Variants in TPCN1 observed in about 807,000 individuals in gnomAD.
TPCN1 encodes two pore channel protein 1.
A neutral mutation model predicts 108.8 loss-of-function variants in TPCN1; 52 were observed. The observed-to-expected ratio is 0.48, with a 90% CI of 0.38 to 0.60. The LOEUF (loss-of-function observed/expected upper bound fraction) is 0.60, where lower values mean the gene tolerates loss of function less well. TPCN1 is among the 20% of genes least tolerant of loss of function. The pLI is 0.00. For synonymous variants in TPCN1, 446 were observed against 433.7 expected (o/e 1.03, Z -0.35); for missense variants, 806 against 1,072.8 (o/e 0.75, Z 3.47).
intron 14 of TPCN1, among the ~76,000 whole-genome samples, chr12:113,279,382 TATATA>T (rs1417623710): frequency 1.7e-3 from 61 of 36,526 alleles, no homozygotes; most frequent in Non-Finnish European, 2.1e-3. Context: ...TATATATATA[TATATA>T]TATATTTTTT....
At chr12:113,222,558 A>G (rs138515444) in intron 1 of TPCN1, among the ~76,000 whole-genome samples, 1 of 152,212 alleles carries the variant, frequency 6.6e-6, no homozygotes, top group East Asian at 1.9e-4. Flanking sequence ...CATGGGGGCA[A>G]AAATCACCCC....
intron 14 of TPCN1, among the ~76,000 whole-genome samples, 194 bp downstream of exon 14, chr12:113,279,029 A>G (rs1419230352): frequency 6.6e-6 from 1 of 151,868 alleles, no homozygotes. Context: ...TGGGAGAGAA[A>G]TGGGTAACTT....
At chr12:113,293,403 G>C in intron 27 of TPCN1, 54 bp downstream of exon 27, 1 of 1,554,764 alleles carries the variant, frequency 6.4e-7, no homozygotes, top group South Asian at 1.1e-5. Flanking sequence ...TGTCCTGGGA[G>C]GGGCAGGGAG....
rs141088999 is a variant in TPCN1 at position 113,268,399 on chromosome 12, C to T, written c.529-343C>T. Among the ~76,000 whole-genome samples, 42 of 152,302 alleles carry T rather than the reference C, an allele frequency of 2.8e-4. No individual in the cohort carries two copies. The highest frequency in any genetic ancestry group is 9.6e-4 in the African/African-American group (40 of 41,560). On this transcript the variant is annotated intron_variant, in intron 5 of 27. Coordinates refer to ENST00000335509, the MANE Select transcript of TPCN1 (RefSeq NM_017901.6). The surrounding 1 kb of genome is among the most constrained non-coding windows in gnomAD (Gnocchi z 7.3). Reference sequence around the variant, plus strand: ...TGTGCGCTACTCTAGGAGAATATAGCCAAGTAAGCAGAGCTGAAGAGGAGC... The same window carrying T: ...TGTGCGCTACTCTAGGAGAATATAGTCAAGTAAGCAGAGCTGAAGAGGAGC...
chr12:113,224,698 A>C (rs901761788), intron 1 of TPCN1, among the ~76,000 whole-genome samples: 1 of 151,014 alleles, frequency 6.6e-6, no homozygotes, highest in Non-Finnish European at 1.5e-5. Flanking sequence ...GCCTGGCCGC[A>C]TATTAACTAT....
intron 21 of TPCN1, 62 bp from the exon 22 acceptor site, chr12:113,290,066 C>T: frequency 9.2e-7 from 1 of 1,083,820 alleles, no homozygotes; most frequent in East Asian, 2.6e-5. Flanking sequence ...GACTTCTGTC[C>T]TCTCTGGAGG....
Position 113,267,856 on chromosome 12 carries a change from TG to T in TPCN1, c.430del (p.Glu144SerfsTer5). ...LRLGIYVHAT[L>X]ELFALMVVVF... ...CTCTGGTCTCAGGTCCACGCCACCC[TG>T]GAGCTGTTTGCCCTGATGGTGGTAG... On this transcript the variant is annotated frameshift_variant, in exon 5 of 28. Coordinates refer to ENST00000335509, the MANE Select transcript of TPCN1 (RefSeq NM_017901.6). LOFTEE classifies it high-confidence loss of function. 6.2e-7 allele frequency: 1 copy of T among 1,613,790 alleles called. No homozygotes were observed.
rs1024257196 is a variant in TPCN1 at position 113,284,085 on chromosome 12, A to G, written c.1343-496A>G. ...TTGTTGCCAGTGTTTTGCTATCACA[A>G]TAGTGCTGCGGTGAGTAGCTTTCAG... On this transcript the variant is annotated intron_variant, in intron 15 of 27. Coordinates refer to ENST00000335509, the MANE Select transcript of TPCN1 (RefSeq NM_017901.6). This position sits in a 1 kb window ranked among gnomAD's most constrained non-coding sequence, Gnocchi z 4.1. Among the ~76,000 whole-genome samples, 56 of 152,202 alleles carry G rather than the reference A, an allele frequency of 3.7e-4. No individual in the cohort carries two copies. The highest frequency in any genetic ancestry group is 1.3e-3 in the African/African-American group (55 of 41,450).
In TPCN1 at chr12:113,243,727, C is replaced by T. The variant is rs111695579; in HGVS notation, c.113-16641C>T. Among the ~76,000 whole-genome samples the T allele has an allele frequency of 1.4e-4, 22 of 151,964 alleles. 1 individual carries two copies. Among genetic ancestry groups the T allele is most frequent in the African/African-American group, 5.1e-4 (21 of 41,416 alleles). On this transcript the variant is annotated intron_variant, in intron 2 of 27. Transcript: ENST00000335509. ...CAAGATTGTGCCACTGCACTCCAGC[C>T]TGAGCAACAAGAGTGAGACTCCATC...
chr12:113,227,722 T>G (rs1358690618), intron 2 of TPCN1, among the ~76,000 whole-genome samples: 1 of 152,162 alleles, frequency 6.6e-6, no homozygotes, highest in Non-Finnish European at 1.5e-5. Flanking sequence ...TAGGGTCTGC[T>G]TAGCAAATGG....
At position 113,288,223 on chromosome 12, in the gene TPCN1, C is replaced by T. The variant is rs752374294; in HGVS notation, c.1695C>T (p.Pro565=). The T allele has an allele frequency of 2.5e-6, 4 of 1,613,760 alleles. No individual in the cohort carries two copies. The highest frequency in any genetic ancestry group is 2.7e-5 in the African/African-American group (2 of 74,938). Reference sequence around the variant, plus strand: ...TGGACACCATGTTCGAGCTGCTGCCCCGGATGGCCAGGTACTGCCAGCCCC... The same window carrying T: ...TGGACACCATGTTCGAGCTGCTGCCTCGGATGGCCAGGTACTGCCAGCCCC... ...NVLDTMFELL[P]RMASLGLTLL... Residue 565 remains proline (P), a synonymous_variant, in exon 20 of 28, where the codon CCC becomes CCT. Transcript: ENST00000335509. The surrounding 1 kb of genome is among the most constrained non-coding windows in gnomAD (Gnocchi z 4.8).
At chr12:113,230,668 C>G (rs776530052) in intron 2 of TPCN1, among the ~76,000 whole-genome samples, 1 of 152,164 alleles carries the variant, frequency 6.6e-6, no homozygotes, top group Non-Finnish European at 1.5e-5. Context: ...GTTGGCCAGG[C>G]TGATCTCAAA....
Position 113,288,779 on chromosome 12 carries a change from C to G in TPCN1, c.1728C>G (p.Ile576Met). Residue 576 changes from isoleucine to methionine, a missense_variant, in exon 21 of 28, where the codon ATC (isoleucine) becomes ATG (methionine). Ile to Met is a conservative substitution (Grantham distance 10). Coordinates refer to ENST00000335509, the MANE Select transcript of TPCN1 (RefSeq NM_017901.6). This position sits in a 1 kb window ranked among gnomAD's most constrained non-coding sequence, Gnocchi z 4.8. ...ACAGCCTGGGCCTCACCCTGCTCAT[C>G]TTTTACTACTCCTTCGCCATCGTGG... ...RMASLGLTLL[I>M]FYYSFAIVGM... 1 of 1,613,192 alleles carries G rather than the reference C, an allele frequency of 6.2e-7. No homozygotes were observed. The highest frequency in any genetic ancestry group is 8.5e-7 in the Non-Finnish European group (1 of 1,180,016).
intron 3 of TPCN1, among the ~76,000 whole-genome samples, chr12:113,262,036 G>C (rs1955059646): frequency 6.6e-6 from 1 of 152,088 alleles, no homozygotes; most frequent in South Asian, 2.1e-4. Context: ...CCTTAATCTT[G>C]CCAATCTTGT....
chr12:113,289,999 G>A lies in TPCN1; in HGVS notation c.1797-129G>A. The A allele has an allele frequency of 1.6e-6, 1 of 634,696 alleles. No homozygotes were observed. Among genetic ancestry groups the A allele is most frequent in the Non-Finnish European group, 2.8e-6 (1 of 359,262 alleles). 39.3% of individuals were successfully genotyped at this position (634,696 alleles called of 1,614,324 possible). On this transcript the variant is annotated intron_variant, in intron 21 of 27. Transcript: ENST00000335509. The surrounding 1 kb of genome is among the most constrained non-coding windows in gnomAD (Gnocchi z 4.1). ...GGCATGAGGTGGAGAGGGTTAGGCA[G>A]GAAACCAGGCTGCGGGCAGAACAGA...
In TPCN1 at chr12:113,277,029, C is replaced by G. The variant is rs1955698258; in HGVS notation, c.1053C>G (p.Ser351Arg). The G allele has an allele frequency of 1.9e-6, 3 of 1,612,938 alleles. No homozygotes were observed. Among genetic ancestry groups the G allele is most frequent in the Non-Finnish European group, 2.5e-6 (3 of 1,179,238 alleles). ...AIQHAYRLLI[S>R]QRRPAGISYR... ...AGCATGCCTACCGCCTGCTCATCAG[C>G]CAGAGGGTAGGAACTATGGGCCAGG... The change falls in exon 11 of 28, where the codon AGC (serine) becomes AGG (arginine). Residue 351 changes from serine (S) to arginine (R), a missense_variant. By Grantham distance (110) the Ser-to-Arg change is moderately radical. Coordinates refer to ENST00000335509, the MANE Select transcript of TPCN1 (RefSeq NM_017901.6).
At chr12:113,237,522 AAT>A (rs1953942607) in intron 2 of TPCN1, among the ~76,000 whole-genome samples, 1 of 151,894 alleles carries the variant, frequency 6.6e-6, no homozygotes, top group Admixed American at 6.6e-5. Flanking sequence ...GCACCCTGTT[AAT>A]TTTTTTGTAT....
At chr12:113,286,285 TC>T (rs1260547436) in intron 18 of TPCN1, among the ~76,000 whole-genome samples, 4 of 152,036 alleles carry the variant, frequency 2.6e-5, no homozygotes, top group South Asian at 2.1e-4. Flanking sequence ...AAAAGAATGC[TC>T]CCCCCCTTCC....
chr12:113,244,312 G>A (rs1954264267), intron 2 of TPCN1: 2 of 985,516 alleles, frequency 2.0e-6, no homozygotes, highest in Admixed American at 6.1e-5. Context: ...TGGGCTGGAG[G>A]CCAGCAATTC....
Sources: allele counts gnomAD v4.1 joint callset (sites outside exome capture counted in the v4.1 genomes callset), GRCh38; gene constraint gnomAD v4.1.1; non-coding constraint Gnocchi (gnomAD v3.1); transcripts MANE v1.5; gene names NCBI Gene and HGNC (gene_info 2026-07-23, HGNC 2026-07-21).